The following ADGB variants were observed in gnomAD, a reference collection of about 807,000 sequenced individuals.
The protein encoded by ADGB is calpain-7-like protein.
A neutral mutation model predicts 210.5 loss-of-function variants in ADGB; 172 were observed. That is an observed-to-expected ratio of 0.82 (90% CI 0.72 to 0.93). ADGB has a LOEUF of 0.93. Among genes scored for constraint, ADGB ranks in the 40% least tolerant of loss-of-function variants. The probability of loss-of-function intolerance (pLI) is 0.00; values close to 1 mark genes in which losing one functional copy is unlikely to be tolerated. For synonymous variants in ADGB, 658 were observed against 662.7 expected, an observed-to-expected ratio of 0.99 and a Z score of 0.11; for missense variants, 2,025 against 1,964.8, an observed-to-expected ratio of 1.03 and a Z score of -0.58.
chr6:146,757,102 C>T (rs1475905142), intron 27 of ADGB, among the ~76,000 whole-genome samples: 4 of 151,970 alleles, frequency 2.6e-5, no homozygotes, highest in Non-Finnish European at 5.9e-5. Context: ...AAAGAAAACT[C>T]TTTGTATTAT....
In ADGB at chr6:146,724,323, G is replaced by A; in HGVS notation, c.2233G>A (p.Val745Ile). Residue 745 changes from valine (V) to isoleucine (I), a missense_variant, in exon 18 of 36, where the codon GTT becomes ATT. Physicochemically the swap from Val to Ile is conservative, Grantham distance 29. Transcript: ENST00000397944. ...CAAGGCTACAGTGGTTCGTCTGCCT[G>A]TTGGGTATGAAGTGGCTTCATTTTT... The part of the protein sequence containing the change: ...ATKATVVRLP[V>I]GRHMLLFNAY... The A allele has an allele frequency of 6.5e-7, 1 of 1,529,538 alleles. No individual in the cohort carries two copies. The highest frequency in any genetic ancestry group is 8.8e-7 in the Non-Finnish European group (1 of 1,139,744). The allele number at this position is 1,529,538 out of a possible 1,614,324, so 94.7% of individuals were successfully genotyped here.
rs537107428 is a variant in ADGB, at chr6:146,650,040, C to A, written c.331-4095C>A. On this transcript the variant is annotated intron_variant, in intron 3 of 35. Coordinates refer to ENST00000397944, the MANE Select transcript of ADGB (RefSeq NM_024694.4). ...AAGAACTCTAGCCATGAGACAGCAT[C>A]AAAAACTCACTGCCCTATGAAAGAT... 2.3e-4 allele frequency among the ~76,000 whole-genome samples: 35 copies of A among 152,248 alleles called. No homozygotes were observed. In the South Asian group the frequency reaches 7.3e-3, roughly 32 times the overall value.
In ADGB at chr6:146,764,008, G is replaced by A. The variant is rs1055843702; in HGVS notation, c.3658G>A (p.Val1220Ile). The A allele has an allele frequency of 2.6e-6, 4 of 1,551,398 alleles. No individual in the cohort carries two copies. The Admixed American group carries it at 7.8e-5, about 30-fold the overall frequency. The change falls in exon 28 of 36, where the codon GTA becomes ATA. Residue 1220 changes from valine (V) to isoleucine (I), a missense_variant. Transcript: ENST00000397944. Reference sequence around the variant, plus strand: ...TCAGAAATCCCCCAAGGGTAGAGCTGTAAGTGCAATACAAGACATTGGTCT... The same window carrying A: ...TCAGAAATCCCCCAAGGGTAGAGCTATAAGTGCAATACAAGACATTGGTCT... ...GIQKSPKGRA[V>I]SAIQDIGLPL...
intron 16 of ADGB, among the ~76,000 whole-genome samples, chr6:146,718,732 G>A (rs190258128): frequency 2.0e-5 from 3 of 152,326 alleles, no homozygotes; most frequent in Admixed American, 6.5e-5. Flanking sequence ...CGCAGAGTTG[G>A]AGGAAGTAAA....
At chr6:146,783,367 C>T (rs1374401700) in intron 30 of ADGB, among the ~76,000 whole-genome samples, 1 of 152,096 alleles carries the variant, frequency 6.6e-6, no homozygotes, top group Non-Finnish European at 1.5e-5. Flanking sequence ...TCAAAGATTT[C>T]ATTTCTTAGC....
At chr6:146,641,436 G>A (rs956959523) in intron 2 of ADGB, among the ~76,000 whole-genome samples, 1 of 151,064 alleles carries the variant, frequency 6.6e-6, no homozygotes, top group Non-Finnish European at 1.5e-5. Context: ...AACCTGAATA[G>A]CCAAGGCAAT....
intron 9 of ADGB, among the ~76,000 whole-genome samples, chr6:146,683,170 C>T (rs1776180331): frequency 6.6e-6 from 1 of 152,080 alleles, no homozygotes. Flanking sequence ...TTGGACTTCC[C>T]AGCTTCCAGA....
At chr6:146,768,959 G>T in intron 28 of ADGB, 61 bp from the exon 29 acceptor site, 2 of 856,944 alleles carry the variant, frequency 2.3e-6, no homozygotes, top group South Asian at 4.6e-5. Context: ...CATAATAAAT[G>T]ACATTAGGCA....
At chr6:146,612,594 A>G (rs1780727251) in intron 1 of ADGB, among the ~76,000 whole-genome samples, 1 of 152,004 alleles carries the variant, frequency 6.6e-6, no homozygotes, top group South Asian at 2.1e-4. Flanking sequence ...GGCCCTTTTA[A>G]ACTCTAGGTA....
At chr6:146,720,005 A>G (rs1328031650) in intron 16 of ADGB, among the ~76,000 whole-genome samples, 4 of 152,212 alleles carry the variant, frequency 2.6e-5, no homozygotes, top group African/African-American at 7.2e-5. Context: ...TGATTAAATA[A>G]CAAGGCTTCC....
At chr6:146,736,888 G>C (rs1777086738) in intron 23 of ADGB, among the ~76,000 whole-genome samples, 1 of 152,120 alleles carries the variant, frequency 6.6e-6, no homozygotes, top group Non-Finnish European at 1.5e-5. Context: ...CCTGGTAGCG[G>C]ATGAGATCCC....
chr6:146,664,171 G>T, intron 5 of ADGB, 30 bp from the exon 6 acceptor site: 1 of 1,524,800 alleles, frequency 6.6e-7, no homozygotes, highest in South Asian at 1.2e-5. Context: ...AGCCATTGAT[G>T]GTATTACATT....
At chr6:146,760,608 C>T (rs1210871356) in intron 27 of ADGB, among the ~76,000 whole-genome samples, 2 of 151,812 alleles carry the variant, frequency 1.3e-5, no homozygotes, top group Admixed American at 6.6e-5. Flanking sequence ...TTTCATTTCA[C>T]TTGGATCAAT....
chr6:146,728,587 T>C lies in ADGB; in HGVS notation c.2366T>C (p.Phe789Ser). The C allele has an allele frequency of 2.6e-6, 4 of 1,551,310 alleles. No individual in the cohort carries two copies. The highest frequency in any genetic ancestry group is 3.5e-6 in the Non-Finnish European group (4 of 1,146,676). ...TTGTCTTCACAGGAGAGCTGCCGATTTACGGAACAGTCTCTGTTGATTATG... is the reference window on the plus strand; with the variant it reads ...TTGTCTTCACAGGAGAGCTGCCGATCTACGGAACAGTCTCTGTTGATTATG... ...LPNFEPESCR[F>S]TEQSLLIMKA... The change falls in exon 20 of 36, where the codon TTT becomes TCT. Residue 789 changes from phenylalanine to serine, a missense_variant. By Grantham distance (155) the Phe-to-Ser change is radical. Transcript: ENST00000397944.
chr6:146,686,081 T>TTTTGCTAC (rs1776228939), intron 10 of ADGB, among the ~76,000 whole-genome samples: 1 of 151,826 alleles, frequency 6.6e-6, no homozygotes, highest in Admixed American at 6.6e-5. Flanking sequence ...TCACTTTTAA[T>TTTTGCTAC]TTTTATAGAT....
At chr6:146,795,776 C>T (rs1205192205) in intron 33 of ADGB, among the ~76,000 whole-genome samples, 3 of 152,026 alleles carry the variant, frequency 2.0e-5, no homozygotes, top group Non-Finnish European at 4.4e-5. Flanking sequence ...ATCATTCTAC[C>T]ATAAAGACAC....
intron 25 of ADGB, among the ~76,000 whole-genome samples, chr6:146,743,055 C>A (rs1777182069): frequency 6.6e-6 from 1 of 152,148 alleles, no homozygotes; most frequent in African/African-American, 2.4e-5. Flanking sequence ...AGAGCTAGTT[C>A]TTCACGAACA....
chr6:146,650,670 A>G (rs1448184989), intron 3 of ADGB, among the ~76,000 whole-genome samples: 1 of 142,232 alleles, frequency 7.0e-6, no homozygotes, highest in East Asian at 2.2e-4. Flanking sequence ...TTTCTCCCCT[A>G]GTGAGGAGAG....
chr6:146,766,161 C>T (rs1777570773), intron 28 of ADGB, among the ~76,000 whole-genome samples: 1 of 151,106 alleles, frequency 6.6e-6, no homozygotes, highest in Non-Finnish European at 1.5e-5. Flanking sequence ...AGTGGCTCAC[C>T]CCTATAATTC....
Sources: allele counts gnomAD v4.1 joint callset (sites outside exome capture counted in the v4.1 genomes callset), GRCh38; gene constraint gnomAD v4.1.1; transcripts MANE v1.5; gene names NCBI Gene and HGNC (gene_info 2026-07-23, HGNC 2026-07-21).